The following NEIL3 variants were observed in gnomAD, a reference collection of about 807,000 sequenced individuals.
NEIL3 encodes the protein nei like DNA glycosylase 3.
NEIL3 carries 48 observed loss-of-function variants against 57.5 expected under a neutral mutation model. That is an observed-to-expected ratio of 0.83 (90% CI 0.66 to 1.06). The LOEUF (loss-of-function observed/expected upper bound fraction) is 1.06, where lower values mean the gene tolerates loss of function less well. Ranked by LOEUF, NEIL3 falls within the 50% of genes least tolerant of loss-of-function variation. The pLI, the probability that NEIL3 is intolerant of heterozygous loss-of-function variation, is 0.00. For synonymous variants in NEIL3, 261 were observed against 253.2 expected (o/e 1.03, Z -0.29); for missense variants, 717 against 739.1 (o/e 0.97, Z 0.35).
intron 6 of NEIL3, among the ~76,000 whole-genome samples, chr4:177,350,122 ACT>A (rs1735321240): frequency 6.6e-6 from 1 of 152,208 alleles, no homozygotes; most frequent in Non-Finnish European, 1.5e-5. Flanking sequence ...TTTACCAGAC[ACT>A]CCTGAATTTT....
At chr4:177,310,206 C>T (rs528460558) in intron 1 of NEIL3, 97 bp downstream of exon 1, 152 of 1,303,644 alleles carry the variant, frequency 1.2e-4, no homozygotes, top group Non-Finnish European at 1.4e-4. Context: ...TCTCTTTGCT[C>T]TGGCCCAGGT....
chr4:177,349,058 A>AT (rs1735296254), intron 6 of NEIL3, among the ~76,000 whole-genome samples: 1 of 68,340 alleles, frequency 1.5e-5, no homozygotes, highest in Non-Finnish European at 3.0e-5. Context: ...TTTTTTTTGT[A>AT]TTTTTAGTAG....
At chr4:177,316,800 T>C (rs1734581933) in intron 1 of NEIL3, among the ~76,000 whole-genome samples, 1 of 152,120 alleles carries the variant, frequency 6.6e-6, no homozygotes, top group Non-Finnish European at 1.5e-5. Flanking sequence ...AAGTAATAAT[T>C]CAGTATAGTA....
intron 6 of NEIL3, among the ~76,000 whole-genome samples, 174 bp from the exon 7 acceptor site, chr4:177,351,206 C>CAAAAAAAAAAAAAAAAAAAA (rs749430879): frequency 1.7e-5 from 1 of 58,516 alleles, no homozygotes; most frequent in African/African-American, 7.8e-5. Context: ...CCCATCTCTA[C>CAAAAAAAAAAAAAAAAAAAA]AAAAAAAAAA....
At chr4:177,312,570 C>T (rs969523297) in intron 1 of NEIL3, among the ~76,000 whole-genome samples, 1 of 152,086 alleles carries the variant, frequency 6.6e-6, no homozygotes, top group African/African-American at 2.4e-5. Context: ...AGAGTGCAGC[C>T]TGATAATATA....
At chr4:177,366,431 T>C (rs187440382), downstream of NEIL3, among the ~76,000 whole-genome samples, 16 of 152,356 alleles carry the variant, frequency 1.1e-4, no homozygotes, top group Admixed American at 3.3e-4. Context: ...GGAGTCTCGC[T>C]CTTGTCGCCC....
At chr4:177,341,407 A>C in intron 5 of NEIL3, 69 bp from the exon 6 acceptor site, 2 of 1,307,500 alleles carry the variant, frequency 1.5e-6, no homozygotes, top group Non-Finnish European at 2.0e-6. Context: ...ACTTTCGAGA[A>C]TGTGTCTTTG....
At chr4:177,351,259 ACTTCCAAGC>A in intron 6 of NEIL3, 112 bp from the exon 7 acceptor site, 1 of 536,984 alleles carries the variant, frequency 1.9e-6, no homozygotes, top group Non-Finnish European at 3.2e-6. Context: ...TACAGTACTA[ACTTCCAAGC>A]AATAATAAAG....
chr4:177,334,143 A>T (rs78703117), intron 2 of NEIL3, among the ~76,000 whole-genome samples: 13 of 106,154 alleles, frequency 1.2e-4, no homozygotes, highest in African/African-American at 2.2e-4. Context: ...GTCCTGGTTT[A>T]AAAAAAAAAA....
At chr4:177,358,456 C>T (rs543789011) in intron 8 of NEIL3, among the ~76,000 whole-genome samples, 3 of 152,080 alleles carry the variant, frequency 2.0e-5, no homozygotes, top group Non-Finnish European at 4.4e-5. Context: ...TAGAGGCACC[C>T]GCCACCACGC....
downstream of NEIL3, among the ~76,000 whole-genome samples, chr4:177,366,106 C>T (rs1274136129): frequency 6.6e-6 from 1 of 152,038 alleles, no homozygotes; most frequent in South Asian, 2.1e-4. Context: ...ATTCAAGAGG[C>T]AATACAGAAA....
Position 177,351,421 on chromosome 4 carries a change from G to T in NEIL3, c.911G>T (p.Ser304Ile). Reference sequence around the variant, plus strand: ...AATACTATAATCAGTTGGACATCTAGCAGGGTGGATCATGTTATGGACTCC... The same window carrying T: ...AATACTATAATCAGTTGGACATCTATCAGGGTGGATCATGTTATGGACTCC... ...TRNTIISWTS[S>I]RVDHVMDSVA... Residue 304 changes from serine to isoleucine, a missense_variant, in exon 7 of 10, where the codon AGC (serine) becomes ATC (isoleucine). Ser to Ile is a moderately radical substitution (Grantham distance 142). Transcript: ENST00000264596. 6.2e-7 allele frequency: 1 copy of T among 1,613,786 alleles called. No homozygotes were observed. The highest frequency in any genetic ancestry group is 8.5e-7 in the Non-Finnish European group (1 of 1,179,832).
intron 6 of NEIL3, among the ~76,000 whole-genome samples, chr4:177,344,094 C>A (rs1404511390): frequency 2.6e-5 from 4 of 152,026 alleles, no homozygotes; most frequent in African/African-American, 9.7e-5. Context: ...CACAGTTCCC[C>A]AAAAGAGACC....
At chr4:177,329,759 CTTT>C (rs1418155588) in intron 2 of NEIL3, among the ~76,000 whole-genome samples, 1 of 152,132 alleles carries the variant, frequency 6.6e-6, no homozygotes, top group East Asian at 1.9e-4. Context: ...ACAACACATG[CTTT>C]TCAAGTGCAT....
chr4:177,369,877 GC>G, the NEIL3 span, among the ~76,000 whole-genome samples: 2 of 152,126 alleles, frequency 1.3e-5, no homozygotes, highest in Non-Finnish European at 2.9e-5. Flanking sequence ...TTTAGCATTG[GC>G]AGTTAAAGCT....
intron 6 of NEIL3, among the ~76,000 whole-genome samples, chr4:177,349,809 C>A (rs1735314205): frequency 6.6e-6 from 1 of 152,162 alleles, no homozygotes; most frequent in Non-Finnish European, 1.5e-5. Flanking sequence ...CAATAAAATT[C>A]TCCTTATGAT....
chr4:177,318,750 T>C (rs1449994803), intron 1 of NEIL3, among the ~76,000 whole-genome samples: 1 of 152,204 alleles, frequency 6.6e-6, no homozygotes, highest in Non-Finnish European at 1.5e-5. Context: ...CCTTTTCATC[T>C]CCATTTCTTT....
chr4:177,310,647 C>G (rs956406573), intron 1 of NEIL3, among the ~76,000 whole-genome samples: 1 of 152,184 alleles, frequency 6.6e-6, no homozygotes, highest in Non-Finnish European at 1.5e-5. Flanking sequence ...GCAATGAAAC[C>G]CAGTTCTGGT....
chr4:177,364,146 A>G (rs1474801968), downstream of NEIL3, among the ~76,000 whole-genome samples: 3 of 152,112 alleles, frequency 2.0e-5, no homozygotes, highest in Admixed American at 2.0e-4. Flanking sequence ...TGTTTAAAAG[A>G]CAGCGTTCTT....
Sources: gnomAD v4.1 joint callset for allele counts (sites outside exome capture counted in the v4.1 genomes callset) on GRCh38, gnomAD v4.1.1 for gene constraint, MANE v1.5 for transcripts, NCBI Gene and HGNC (gene_info 2026-07-23, HGNC 2026-07-21) for gene names.